Variants in PPP1R7 observed in about 807,000 individuals in gnomAD.
PPP1R7 encodes the protein protein phosphatase 1 regulatory subunit 22.
Under a neutral mutation model 45.2 loss-of-function variants are expected in PPP1R7, and 18 were observed. That is an observed-to-expected ratio of 0.40 (90% CI 0.28 to 0.59). PPP1R7 has a LOEUF of 0.59. Among genes scored for constraint, PPP1R7 ranks in the 20% least tolerant of loss-of-function variants. The pLI, the probability that PPP1R7 is intolerant of heterozygous loss-of-function variation, is 0.46. For missense variants in PPP1R7, 314 were observed against 455.8 expected (o/e 0.69, Z 2.83); for synonymous variants, 181 against 183.4 (o/e 0.99, Z 0.11).
intron 9 of PPP1R7, among the ~76,000 whole-genome samples, chr2:241,173,269 CA>C (rs540011262): frequency 0.052 from 4,709 of 89,718 alleles, 55 homozygotes; most frequent in South Asian, 0.13. Context: ...AAGACTTTCT[CA>C]AAAAAAAAAA....
chr2:241,156,704 T>C (rs2067464971), intron 2 of PPP1R7, among the ~76,000 whole-genome samples: 1 of 152,282 alleles, frequency 6.6e-6, no homozygotes. Flanking sequence ...AAAAGTTTTT[T>C]AAAAGAGAAA....
chr2:241,177,985 G>A (rs1414917287), intron 9 of PPP1R7, among the ~76,000 whole-genome samples: 1 of 152,244 alleles, frequency 6.6e-6, no homozygotes, highest in Non-Finnish European at 1.5e-5. Flanking sequence ...AAATTACATT[G>A]CAGGCCTGCT....
In PPP1R7 at chr2:241,153,278, A is replaced by C. The variant is rs560398849; in HGVS notation, c.53-198A>C. The stretch of plus-strand genomic sequence containing the variant: ...TCACCTAAGTATCCATGTGGGCTCC[A>C]CACTCTGCTCCCCATTCTCCCCGCG... On this transcript the variant is annotated intron_variant, in intron 1 of 9. Coordinates refer to ENST00000234038, the MANE Select transcript of PPP1R7 (RefSeq NM_002712.3). 5.9e-5 allele frequency among the ~76,000 whole-genome samples: 9 copies of C among 152,322 alleles called. No homozygotes were observed. In the East Asian group the frequency reaches 1.5e-3, roughly 26 times the overall value.
intron 5 of PPP1R7, 119 bp downstream of exon 5, chr2:241,159,462 AG>A (rs2067536268): frequency 2.3e-6 from 3 of 1,315,202 alleles, no homozygotes; most frequent in Non-Finnish European, 1.0e-6. Context: ...CCTCTGCCAC[AG>A]GGTCCTGCCC....
At chr2:241,166,485 AC>A in intron 8 of PPP1R7, 44 bp downstream of exon 8, 1 of 1,572,454 alleles carries the variant, frequency 6.4e-7, no homozygotes, top group Non-Finnish European at 8.7e-7. Context: ...GGCGGTGGGC[AC>A]CAGGCGGGCA....
intron 9 of PPP1R7, among the ~76,000 whole-genome samples, chr2:241,179,190 G>A (rs2067959489): frequency 6.6e-6 from 1 of 152,198 alleles, no homozygotes; most frequent in African/African-American, 2.4e-5. Context: ...TCGGGCAAGG[G>A]ATCAGCTGCT....
At chr2:241,176,832 A>G (rs12987697) in intron 9 of PPP1R7, among the ~76,000 whole-genome samples, 71,714 of 152,128 alleles carry the variant, frequency 0.47, 17,628 homozygotes, top group East Asian at 0.84. Flanking sequence ...GTGAAGACTC[A>G]TAGAATGCAG....
intron 6 of PPP1R7, among the ~76,000 whole-genome samples, chr2:241,161,569 C>T (rs1368589331): frequency 1.3e-5 from 2 of 152,226 alleles, no homozygotes; most frequent in Non-Finnish European, 2.9e-5. Context: ...GACACCGTCC[C>T]CAGCAGGATT....
chr2:241,173,384 C>T (rs1292048596), intron 9 of PPP1R7, among the ~76,000 whole-genome samples: 1 of 151,646 alleles, frequency 6.6e-6, no homozygotes, highest in Non-Finnish European at 1.5e-5. Context: ...GCTGGGAGTA[C>T]AGGTGTGAGC....
In PPP1R7 at chr2:241,182,682, C is replaced by T; in HGVS notation, c.942C>T (p.Leu314=). 1.9e-6 allele frequency: 3 copies of T among 1,614,184 alleles called. No homozygotes were observed. The highest frequency in any genetic ancestry group is 2.5e-6 in the Non-Finnish European group (3 of 1,180,054). ...NDNLLESWSD[L]DELKGARSLE... is the part of the protein sequence containing the mutation. ...ATCTCCTTGAGAGCTGGAGCGACCT[C>T]GACGAGCTGAAGGGAGCCAGGAGCC... The change falls in exon 10 of 10, where the codon CTC becomes CTT. Residue 314 remains leucine (L), a synonymous_variant. Transcript: ENST00000234038.
intron 9 of PPP1R7, among the ~76,000 whole-genome samples, chr2:241,173,685 C>T (rs1324694268): frequency 6.6e-6 from 1 of 152,164 alleles, no homozygotes; most frequent in African/African-American, 2.4e-5. Context: ...CTCTGAAAAC[C>T]CAGTTATGCA....
chr2:241,175,655 C>T (rs1410508682), intron 9 of PPP1R7, among the ~76,000 whole-genome samples: 1 of 152,226 alleles, frequency 6.6e-6, no homozygotes, highest in Non-Finnish European at 1.5e-5. Context: ...AGTGCAGTAG[C>T]ATGATCATGG....
chr2:241,171,250 C>G (rs1242341856), intron 9 of PPP1R7, among the ~76,000 whole-genome samples: 1 of 152,158 alleles, frequency 6.6e-6, no homozygotes, highest in East Asian at 1.9e-4. Context: ...GGCTGGTGAT[C>G]AATCACTAGG....
At chr2:241,151,769 T>C (rs574954040) in intron 1 of PPP1R7, among the ~76,000 whole-genome samples, 2 of 152,276 alleles carry the variant, frequency 1.3e-5, no homozygotes, top group African/African-American at 4.8e-5. Flanking sequence ...GTCAAGGAGC[T>C]CTGACTTTTA....
intron 9 of PPP1R7, among the ~76,000 whole-genome samples, chr2:241,180,791 G>C (rs1031714357): frequency 2.0e-5 from 3 of 149,792 alleles, no homozygotes. Context: ...AGCCCTGGTG[G>C]TGCAGCTCCT....
intron 9 of PPP1R7, among the ~76,000 whole-genome samples, 182 bp downstream of exon 9, chr2:241,170,049 C>T (rs1375951943): frequency 1.3e-5 from 2 of 152,190 alleles, no homozygotes; most frequent in East Asian, 1.9e-4. Context: ...TGCTCCTCAG[C>T]GTGAGCCACA....
At chr2:241,179,570 GA>G (rs2067965274) in intron 9 of PPP1R7, among the ~76,000 whole-genome samples, 1 of 152,208 alleles carries the variant, frequency 6.6e-6, no homozygotes. Context: ...GTGTGAGAAG[GA>G]CATGGGAGGT....
chr2:241,161,354 A>G (rs994590458), intron 6 of PPP1R7, among the ~76,000 whole-genome samples: 1 of 114,002 alleles, frequency 8.8e-6, no homozygotes, highest in South Asian at 3.9e-4. Flanking sequence ...ACTGATGTAC[A>G]TACCGGGGCT....
rs965071450 is a variant in PPP1R7 at position 241,163,299 on chromosome 2, C to T, written c.612C>T (p.Ile204=). ...GSNRIRAIEN[I]DTLTNLESLF... is the part of the protein sequence containing the mutation. Reference sequence around the variant, plus strand: ...CCTTTCCACAGGCAATCGAAAATATCGACACCTTAACCAACCTGGAGAGTT... The same window carrying T: ...CCTTTCCACAGGCAATCGAAAATATTGACACCTTAACCAACCTGGAGAGTT... Residue 204 remains isoleucine, a synonymous_variant, in exon 7 of 10, where the codon ATC becomes ATT. Transcript: ENST00000234038. 8 of 1,611,992 alleles carry T rather than the reference C, an allele frequency of 5.0e-6. No homozygotes were observed. The highest frequency in any genetic ancestry group is 6.8e-6 in the Non-Finnish European group (8 of 1,178,132).
Sources: gnomAD v4.1 joint callset for allele counts (sites outside exome capture counted in the v4.1 genomes callset) on GRCh38, gnomAD v4.1.1 for gene constraint, MANE v1.5 for transcripts, NCBI Gene and HGNC (gene_info 2026-07-23, HGNC 2026-07-21) for gene names.